Variants in ATP11B observed in about 807,000 individuals in gnomAD.
ATP11B encodes ATPase phospholipid transporting 11B (putative), also known as phospholipid-transporting ATPase IF.
ATP11B carries 81 observed loss-of-function variants against 157.8 expected under a neutral mutation model. The ratio of observed to expected loss-of-function variants is 0.51; its 90% CI spans 0.43 to 0.62. The LOEUF (loss-of-function observed/expected upper bound fraction) is 0.62. Among genes scored for constraint, ATP11B ranks in the 20% least tolerant of loss-of-function variants. ATP11B has a pLI of 0.00. For synonymous variants in ATP11B, 451 were observed against 469.4 expected (o/e 0.96, Z 0.51); for missense variants, 1,165 against 1,402.2 (o/e 0.83, Z 2.70).
intron 24 of ATP11B, among the ~76,000 whole-genome samples, chr3:182,889,003 C>T (rs539888421): frequency 6.6e-6 from 1 of 152,094 alleles, no homozygotes; most frequent in South Asian, 2.1e-4. Flanking sequence ...GCTGAGACTA[C>T]AGGCGCGTGC....
chr3:182,896,711 CT>C lies in ATP11B; in HGVS notation c.2995del (p.Trp999GlyfsTer17). 1 of 1,612,398 alleles carries C rather than the reference CT, an allele frequency of 6.2e-7. No homozygotes were observed. Among genetic ancestry groups the C allele is most frequent in the Non-Finnish European group, 8.5e-7 (1 of 1,178,690 alleles). On this transcript the variant is annotated frameshift_variant, in exon 26 of 30. Transcript: ENST00000323116. LOFTEE classifies it high-confidence loss of function. ...TTCTTTCTGTTTAGATGTTTGGAAA[CT>C]GGACATTTGGCACTTTGGTCTTCAC... ...LLGNGQMFGN[W>X]TFGTLVFTVM...
intron 12 of ATP11B, among the ~76,000 whole-genome samples, chr3:182,863,904 G>T (rs975254655): frequency 6.6e-6 from 1 of 151,836 alleles, no homozygotes; most frequent in African/African-American, 2.4e-5. Flanking sequence ...TGATCTACAT[G>T]TGTGGGCTTT....
intron 1 of ATP11B, among the ~76,000 whole-genome samples, chr3:182,817,929 G>T (rs1199901664): frequency 6.6e-6 from 1 of 152,018 alleles, no homozygotes; most frequent in African/African-American, 2.4e-5. Context: ...ACTGTTTGAG[G>T]CCCTGAAATT....
chr3:182,904,762 G>A (rs187822156), intron 28 of ATP11B, among the ~76,000 whole-genome samples: 6 of 151,922 alleles, frequency 3.9e-5, no homozygotes, highest in East Asian at 3.9e-4. Context: ...GGTGGCAGGC[G>A]CCTGTAACCC....
chr3:182,820,261 GT>G lies in ATP11B; in HGVS notation c.33del (p.Phe11LeufsTer14). 6.2e-7 allele frequency: 1 copy of G among 1,610,836 alleles called. No homozygotes were observed. Among genetic ancestry groups the G allele is most frequent in the Non-Finnish European group, 8.5e-7 (1 of 1,177,052 alleles). On this transcript the variant is annotated frameshift_variant and splice_region_variant, in exon 2 of 30. Transcript: ENST00000323116. LOFTEE classifies it high-confidence loss of function. The part of the protein sequence containing the change: MWRWIRQQL[G>X]FDPPHQSDTR... ...TTTCTCTTGCTTGATTGGTCTTAGG[GT>G]TTTGACCCACCACATCAGAGTGACA...
chr3:182,841,490 A>C (rs1299986989), intron 7 of ATP11B, among the ~76,000 whole-genome samples: 2 of 152,220 alleles, frequency 1.3e-5, no homozygotes, highest in African/African-American at 4.8e-5. Context: ...TAATCCAAAA[A>C]TTCAAAATCC....
chr3:182,794,329 C>G (rs1167791259), intron 1 of ATP11B, among the ~76,000 whole-genome samples: 1 of 152,138 alleles, frequency 6.6e-6, no homozygotes, highest in Non-Finnish European at 1.5e-5. Context: ...AGGTGTCTAG[C>G]CCCCTCAGCG....
chr3:182,876,308 A>G (rs1172315828), intron 19 of ATP11B, among the ~76,000 whole-genome samples: 4 of 152,236 alleles, frequency 2.6e-5, no homozygotes, highest in Non-Finnish European at 4.4e-5. Flanking sequence ...GGTTAATAAC[A>G]AAGTCATCAG....
intron 1 of ATP11B, among the ~76,000 whole-genome samples, chr3:182,813,033 C>G (rs1446057214): frequency 1.3e-5 from 2 of 152,212 alleles, no homozygotes; most frequent in African/African-American, 4.8e-5. Flanking sequence ...CATATTGCAG[C>G]ATGTGCCAAC....
intron 10 of ATP11B, among the ~76,000 whole-genome samples, chr3:182,850,112 A>G (rs1051134779): frequency 6.6e-6 from 1 of 152,218 alleles, no homozygotes; most frequent in East Asian, 1.9e-4. Context: ...TCAGGAAATG[A>G]TGCTGGGAAA....
chr3:182,892,289 T>TA (rs905935855), intron 25 of ATP11B, among the ~76,000 whole-genome samples: 1 of 152,232 alleles, frequency 6.6e-6, no homozygotes. Context: ...GTCCCTGTGC[T>TA]AAAAATCCTT....
intron 25 of ATP11B, among the ~76,000 whole-genome samples, chr3:182,893,320 T>C (rs989002859): frequency 2.6e-5 from 4 of 152,264 alleles, no homozygotes; most frequent in African/African-American, 9.6e-5. Flanking sequence ...ACCCAATGTG[T>C]AGTCTTTTAT....
chr3:182,804,781 C>T (rs1344883981), intron 1 of ATP11B, among the ~76,000 whole-genome samples: 1 of 152,142 alleles, frequency 6.6e-6, no homozygotes, highest in African/African-American at 2.4e-5. Context: ...TGTCATTCCC[C>T]ATTTTCCCAA....
chr3:182,817,038 A>G (rs1717007129), intron 1 of ATP11B, among the ~76,000 whole-genome samples: 2 of 152,192 alleles, frequency 1.3e-5, no homozygotes, highest in Non-Finnish European at 2.9e-5. Context: ...AAAGAAAATA[A>G]CACACGTACG....
At chr3:182,901,361 A>C (rs1316136406) in intron 28 of ATP11B, among the ~76,000 whole-genome samples, 2 of 151,602 alleles carry the variant, frequency 1.3e-5, no homozygotes, top group African/African-American at 2.4e-5. Flanking sequence ...AAACAAAAAA[A>C]AAACCTTAAT....
chr3:182,900,947 C>T (rs570507180), intron 28 of ATP11B, among the ~76,000 whole-genome samples: 3 of 151,556 alleles, frequency 2.0e-5, no homozygotes, highest in South Asian at 2.1e-4. Flanking sequence ...TTTGGGAGGC[C>T]GAGGCAGGTG....
intron 10 of ATP11B, among the ~76,000 whole-genome samples, chr3:182,852,671 A>G (rs181800566): frequency 1.0e-3 from 154 of 152,338 alleles, no homozygotes; most frequent in Middle Eastern, 6.8e-3. Context: ...CAAAAATTCA[A>G]TCTTCACCCT....
At chr3:182,868,266 A>C (rs1489849721) in intron 15 of ATP11B, among the ~76,000 whole-genome samples, 1 of 150,730 alleles carries the variant, frequency 6.6e-6, no homozygotes, top group Non-Finnish European at 1.5e-5. Flanking sequence ...TGCTTAATAT[A>C]CTTACTCCTT....
At chr3:182,829,338 T>G (rs1182124385) in intron 3 of ATP11B, among the ~76,000 whole-genome samples, 1 of 152,234 alleles carries the variant, frequency 6.6e-6, no homozygotes, top group Non-Finnish European at 1.5e-5. Context: ...GATATCATTC[T>G]GAATCCAAGG....
Sources: gnomAD v4.1 joint callset for allele counts (sites outside exome capture counted in the v4.1 genomes callset) on GRCh38, gnomAD v4.1.1 for gene constraint, MANE v1.5 for transcripts, NCBI Gene and HGNC (gene_info 2026-07-23, HGNC 2026-07-21) for gene names.